Variants in GSE1 observed in about 807,000 individuals in gnomAD.
GSE1 encodes the protein genetic suppressor element 1.
A neutral mutation model predicts 112.6 loss-of-function variants in GSE1; 32 were observed. That is an observed-to-expected ratio of 0.28 (90% CI 0.21 to 0.38). GSE1 has a LOEUF of 0.38. Among genes scored for constraint, GSE1 ranks in the 10% least tolerant of loss-of-function variants. The pLI is 1.00. For synonymous variants in GSE1, 1,115 were observed against 735.6 expected (o/e 1.52, Z -8.35); for missense variants, 2,348 against 1,699.2 (o/e 1.38, Z -6.71).
intron 10 of GSE1, 46 bp from the exon 11 acceptor site, chr16:85,663,298 C>T: frequency 1.2e-6 from 2 of 1,601,754 alleles, no homozygotes; most frequent in Admixed American, 1.7e-5. Flanking sequence ...TGCAAGCATA[C>T]CACTGCCAGT....
At chr16:85,272,117 G>A (rs1567653679) in intron 1 of GSE1, among the ~76,000 whole-genome samples, 2 of 152,244 alleles carry the variant, frequency 1.3e-5, no homozygotes, top group Admixed American at 6.5e-5. Flanking sequence ...GTCACCATGC[G>A]GCCGCCATTA....
chr16:85,375,882 C>T lies in GSE1; in HGVS notation c.2464+18239C>T, dbSNP rs201380676. Among the ~76,000 whole-genome samples the T allele has an allele frequency of 4.6e-5, 7 of 152,348 alleles. No individual in the cohort carries two copies. The East Asian group carries it at 1.2e-3, about 25-fold the overall frequency. ...TGCCTACTGCATGCCAGCTCTCGTG[C>T]GCATGTCAACTCCACCATCAGCCCC... On this transcript the variant is annotated intron_variant, in intron 2 of 2. Coordinates refer to the GSE1 transcript ENST00000637419.
intron 1 of GSE1, among the ~76,000 whole-genome samples, chr16:85,208,862 C>G (rs28400365): frequency 0.49 from 59,305 of 121,104 alleles, 12,300 homozygotes; most frequent in Middle Eastern, 0.6. Context: ...TTGGGGTTCA[C>G]CATATGTTGG....
chr16:85,548,236 AAAAAAAAAAAG>A (rs1434807130), intron 2 of GSE1, among the ~76,000 whole-genome samples: 5 of 150,466 alleles, frequency 3.3e-5, no homozygotes, highest in Admixed American at 2.0e-4. Context: ...TCAAAAAAAA[AAAAAAAAAAAG>A]AAAGAAAGAA....
At chr16:85,204,125 C>T (rs1297146137) in intron 1 of GSE1, among the ~76,000 whole-genome samples, 1 of 152,180 alleles carries the variant, frequency 6.6e-6, no homozygotes, top group African/African-American at 2.4e-5. Flanking sequence ...GCTGTCACTC[C>T]CCATTCCCCG....
At chr16:85,557,166 C>T (rs866079072) in intron 1 of GSE1, among the ~76,000 whole-genome samples, 25 of 152,258 alleles carry the variant, frequency 1.6e-4, no homozygotes, top group Middle Eastern at 6.8e-3. Context: ...GGCGAGGGAG[C>T]CCTGGGTGGT....
chr16:85,661,508 T>TGCTCGG lies in GSE1; in HGVS notation c.2005_2006insTCGGGC (p.Leu668_Pro669insLeuGly). The TGCTCGG allele has an allele frequency of 2.5e-6, 4 of 1,611,956 alleles. No individual in the cohort carries two copies. The highest frequency in any genetic ancestry group is 3.4e-6 in the Non-Finnish European group (4 of 1,179,620). ...GGGAGCCTGGAGCACCAGCCCTTCC[T>TGCTCGG]GCCCGGGCCCGGGCCCTTCCTGGCT... is the stretch of plus-strand genomic sequence containing the variant. On this transcript the variant is annotated inframe_insertion, in exon 9 of 16. Coordinates refer to ENST00000253458, the MANE Select transcript of GSE1 (RefSeq NM_014615.5).
At chr16:85,359,315 C>G (rs1196086040) in intron 2 of GSE1, 2 of 448,882 alleles carry the variant, frequency 4.5e-6, no homozygotes, top group Admixed American at 2.4e-5. Flanking sequence ...GGCAGCTTGC[C>G]TGGTTCTCAC....
chr16:85,520,449 GAGA>G (rs965435568), intron 2 of GSE1, among the ~76,000 whole-genome samples: 25 of 148,558 alleles, frequency 1.7e-4, no homozygotes, highest in Middle Eastern at 3.4e-3. Flanking sequence ...TTCTTTTTTT[GAGA>G]AGGAGTGTCA....
chr16:85,416,382 A>T (rs2048702432), intron 2 of GSE1, among the ~76,000 whole-genome samples: 1 of 151,994 alleles, frequency 6.6e-6, no homozygotes, highest in Non-Finnish European at 1.5e-5. Flanking sequence ...CTCCGTTCAG[A>T]GCCCCCAAGT....
chr16:85,450,117 C>CTTTTTTTTTTTTTTTTTT (rs59854597), intron 2 of GSE1, among the ~76,000 whole-genome samples: 1 of 79,506 alleles, frequency 1.3e-5, no homozygotes, highest in Non-Finnish European at 2.2e-5. Context: ...AGGCAGCTGA[C>CTTTTTTTTTTTTTTTTTT]TTTTTTTTTT....
chr16:85,332,557 C>T (rs1259897818), intron 1 of GSE1, among the ~76,000 whole-genome samples: 4 of 152,238 alleles, frequency 2.6e-5, no homozygotes, highest in African/African-American at 4.8e-5. Flanking sequence ...GCCCCCTCCC[C>T]GTGTGCCTCC....
At chr16:85,271,183 G>A (rs1029370714) in intron 1 of GSE1, among the ~76,000 whole-genome samples, 1 of 152,074 alleles carries the variant, frequency 6.6e-6, no homozygotes, top group Non-Finnish European at 1.5e-5. Flanking sequence ...GATCCCTCCT[G>A]TAGGTGGACC....
intron 2 of GSE1, among the ~76,000 whole-genome samples, chr16:85,394,583 G>A (rs553775149): frequency 2.6e-4 from 40 of 152,146 alleles, no homozygotes; most frequent in African/African-American, 7.5e-4. Context: ...GGCAGCCCCC[G>A]CGCACACACA....
intron 2 of GSE1, among the ~76,000 whole-genome samples, chr16:85,535,453 C>T (rs546682535): frequency 5.3e-5 from 8 of 152,356 alleles, no homozygotes; most frequent in African/African-American, 1.7e-4. Flanking sequence ...ATTTTACAGA[C>T]ACCCTCAGCC....
intron 1 of GSE1, among the ~76,000 whole-genome samples, chr16:85,623,875 G>A (rs1389851958): frequency 1.3e-5 from 2 of 152,188 alleles, no homozygotes; most frequent in Admixed American, 6.5e-5. Context: ...ACCTGTTGGT[G>A]TCCAGCTCCT....
intron 3 of GSE1, among the ~76,000 whole-genome samples, chr16:85,652,140 C>G (rs1312559408): frequency 6.6e-6 from 1 of 152,216 alleles, no homozygotes; most frequent in Non-Finnish European, 1.5e-5. Flanking sequence ...CACAGCTGTG[C>G]CATCAACTCT....
At chr16:85,521,040 G>A (rs181175295) in intron 2 of GSE1, among the ~76,000 whole-genome samples, 2 of 152,142 alleles carry the variant, frequency 1.3e-5, no homozygotes, top group Non-Finnish European at 2.9e-5. Context: ...GGAGCCCAAC[G>A]AGCCGGTTTG....
intron 2 of GSE1, among the ~76,000 whole-genome samples, chr16:85,518,340 G>A (rs1209177756): frequency 1.3e-5 from 2 of 152,136 alleles, no homozygotes; most frequent in East Asian, 1.9e-4. Context: ...ATATGGAATG[G>A]AGCCACAGGA....
Sources: allele counts gnomAD v4.1 joint callset (sites outside exome capture counted in the v4.1 genomes callset), GRCh38; gene constraint gnomAD v4.1.1; transcripts MANE v1.5; gene names NCBI Gene and HGNC (gene_info 2026-07-23, HGNC 2026-07-21).